Variants in ENTHD1 observed in about 807,000 individuals in gnomAD.
ENTHD1 encodes ENTH domain containing 1.
Under a neutral mutation model 39.1 loss-of-function variants are expected in ENTHD1, and 23 were observed. The observed-to-expected ratio is 0.59, with a 90% confidence interval of 0.42 to 0.83. ENTHD1 has a LOEUF of 0.83. Ranked by LOEUF, ENTHD1 falls within the 40% of genes least tolerant of loss-of-function variation. The pLI, the probability that ENTHD1 is intolerant of heterozygous loss-of-function variation, is 0.00. For missense variants in ENTHD1, 624 were observed against 705.4 expected (o/e 0.88, Z 1.31); for synonymous variants, 230 against 258.2 (o/e 0.89, Z 1.05).
At chr22:39,884,739 G>A (rs1456521217) in intron 2 of ENTHD1, among the ~76,000 whole-genome samples, 1 of 152,110 alleles carries the variant, frequency 6.6e-6, no homozygotes, top group African/African-American at 2.4e-5. Flanking sequence ...TTTTTGCAAG[G>A]ATGCCAATAT....
intron 2 of ENTHD1, among the ~76,000 whole-genome samples, chr22:39,862,766 A>C (rs1477742148): frequency 6.6e-6 from 1 of 152,200 alleles, no homozygotes; most frequent in Non-Finnish European, 1.5e-5. Context: ...AGAGAGAAGC[A>C]GATAAAGAAA....
intron 5 of ENTHD1, among the ~76,000 whole-genome samples, chr22:39,807,124 T>G (rs2065648192): frequency 6.6e-6 from 1 of 152,198 alleles, no homozygotes. Context: ...ATTTTAGGAA[T>G]GTCCTAAGTC....
At chr22:39,783,323 T>G (rs1175745441) in intron 5 of ENTHD1, among the ~76,000 whole-genome samples, 2 of 150,800 alleles carry the variant, frequency 1.3e-5, no homozygotes, top group African/African-American at 4.8e-5. Flanking sequence ...ATGACGATAG[T>G]ACCAAAAGCA....
At chr22:39,762,018 A>G (rs1174241668) in intron 6 of ENTHD1, among the ~76,000 whole-genome samples, 1 of 152,128 alleles carries the variant, frequency 6.6e-6, no homozygotes, top group Non-Finnish European at 1.5e-5. Flanking sequence ...TGGATGATAC[A>G]TTGTAAAGTG....
At chr22:39,844,349 A>G (rs2065970366) in intron 3 of ENTHD1, among the ~76,000 whole-genome samples, 2 of 152,182 alleles carry the variant, frequency 1.3e-5, no homozygotes, top group South Asian at 2.1e-4. Context: ...TTTGCTAACA[A>G]TAGCATATAA....
intron 2 of ENTHD1, among the ~76,000 whole-genome samples, chr22:39,879,462 CAAAAAAAAA>C (rs34372930): frequency 1.2e-3 from 20 of 16,442 alleles, no homozygotes; most frequent in African/African-American, 1.7e-3. Context: ...GACTCTGTCT[CAAAAAAAAA>C]AAAAAAAAAA....
intron 5 of ENTHD1, among the ~76,000 whole-genome samples, chr22:39,778,926 A>G (rs1166298175): frequency 1.3e-5 from 2 of 152,204 alleles, no homozygotes; most frequent in Non-Finnish European, 2.9e-5. Flanking sequence ...AAGCCTTTAA[A>G]CCTTAAAATT....
intron 2 of ENTHD1, among the ~76,000 whole-genome samples, chr22:39,872,760 A>T (rs559641775): frequency 6.6e-6 from 1 of 152,204 alleles, no homozygotes; most frequent in East Asian, 1.9e-4. Flanking sequence ...AATGTGAAGC[A>T]CCTCATTCCT....
intron 5 of ENTHD1, among the ~76,000 whole-genome samples, chr22:39,779,693 A>C (rs1254695319): frequency 6.6e-6 from 1 of 152,250 alleles, no homozygotes; most frequent in African/African-American, 2.4e-5. Flanking sequence ...AGACAAATCT[A>C]TCAAAGACAA....
chr22:39,779,429 T>C (rs1488040372), intron 5 of ENTHD1, among the ~76,000 whole-genome samples: 1 of 150,754 alleles, frequency 6.6e-6, no homozygotes, highest in African/African-American at 2.4e-5. Context: ...AAATGAAAAA[T>C]AACAACTGAA....
chr22:39,861,864 T>C lies in ENTHD1; in HGVS notation c.493A>G (p.Ser165Gly), dbSNP rs767624169. The change falls in exon 3 of 7, where the codon AGT (serine) becomes GGT (glycine). Residue 165 changes from serine (S) to glycine (G), a missense_variant. Physicochemically the swap from Ser to Gly is moderately conservative, Grantham distance 56. Coordinates refer to ENST00000325157, the MANE Select transcript of ENTHD1 (RefSeq NM_152512.4). ...GAAGTGCACGCTGTCAGTGAGTTACTTGAACCAAGTTGTCTTTTAGAAAAC... is the reference window on the plus strand; with the variant it reads ...GAAGTGCACGCTGTCAGTGAGTTACCTGAACCAAGTTGTCTTTTAGAAAAC... Reference protein sequence around the residue: ...ILFSKRQLGSSNSLTACTSAP... With the variant: ...ILFSKRQLGSGNSLTACTSAP... 1.9e-6 allele frequency: 3 copies of C among 1,606,248 alleles called. No individual in the cohort carries two copies. Among genetic ancestry groups the C allele is most frequent in the Admixed American group, 3.3e-5 (2 of 59,920 alleles).
At chr22:39,757,188 A>T (rs1380458347) in intron 6 of ENTHD1, among the ~76,000 whole-genome samples, 2 of 152,204 alleles carry the variant, frequency 1.3e-5, no homozygotes, top group African/African-American at 4.8e-5. Flanking sequence ...CAGAGGTCTT[A>T]CATGTCTTTT....
At chr22:39,772,606 A>AACAAGGAG (rs2065335807) in intron 5 of ENTHD1, among the ~76,000 whole-genome samples, 1 of 152,202 alleles carries the variant, frequency 6.6e-6, no homozygotes, top group Non-Finnish European at 1.5e-5. Context: ...ACACCGACAA[A>AACAAGGAG]ACAAGGAGAA....
At chr22:39,749,138 CT>C (rs1372497564) in intron 6 of ENTHD1, among the ~76,000 whole-genome samples, 2 of 152,166 alleles carry the variant, frequency 1.3e-5, no homozygotes, top group African/African-American at 4.8e-5. Flanking sequence ...TACCAATTTA[CT>C]TTTGTTTCCA....
intron 2 of ENTHD1, among the ~76,000 whole-genome samples, chr22:39,874,987 A>G (rs1418314387): frequency 6.6e-6 from 1 of 152,204 alleles, no homozygotes; most frequent in Non-Finnish European, 1.5e-5. Context: ...ACTCTTCAGG[A>G]TATACCAAAG....
rs554298892 is a variant in ENTHD1 at position 39,795,501 on chromosome 22, CTA to C, written c.832+25490_832+25491del. Among the ~76,000 whole-genome samples the C allele has an allele frequency of 3.7e-3, 568 of 151,852 alleles. 5 individuals carry two copies. Among genetic ancestry groups the C allele is most frequent in the African/African-American group, 0.012 (502 of 41,390 alleles). On this transcript the variant is annotated intron_variant, in intron 5 of 6. Coordinates refer to ENST00000325157, the MANE Select transcript of ENTHD1 (RefSeq NM_152512.4). Reference sequence around the variant, plus strand: ...AGTACAGTGGTGTGATCATGGCTCACTATATAGCCTTGACCTTCTGGGCTCAA... The same window carrying C: ...AGTACAGTGGTGTGATCATGGCTCACTATAGCCTTGACCTTCTGGGCTCAA...
intron 4 of ENTHD1, among the ~76,000 whole-genome samples, chr22:39,830,319 TC>T (rs1415735024): frequency 1.3e-5 from 2 of 152,034 alleles, no homozygotes; most frequent in Non-Finnish European, 2.9e-5. Context: ...AAGTGATCCG[TC>T]CACCTCGGCC....
chr22:39,778,986 G>T (rs1402643554), intron 5 of ENTHD1, among the ~76,000 whole-genome samples: 2 of 152,148 alleles, frequency 1.3e-5, no homozygotes, highest in Non-Finnish European at 2.9e-5. Context: ...TGTGGTTAGA[G>T]AAATAAAGTA....
chr22:39,870,885 A>G (rs555040183), intron 2 of ENTHD1, among the ~76,000 whole-genome samples: 130 of 152,262 alleles, frequency 8.5e-4, no homozygotes, highest in Non-Finnish European at 1.6e-3. Context: ...GAACAGTAGA[A>G]AAGACCTCCT....
Sources: gnomAD v4.1 joint callset for allele counts (sites outside exome capture counted in the v4.1 genomes callset) on GRCh38, gnomAD v4.1.1 for gene constraint, MANE v1.5 for transcripts, NCBI Gene and HGNC (gene_info 2026-07-23, HGNC 2026-07-21) for gene names.